Variants in ANGPT2 observed in about 807,000 individuals in gnomAD.
ANGPT2 encodes the protein angiopoietin-2.
Under a neutral mutation model 62.9 loss-of-function variants are expected in ANGPT2, and 28 were observed. The ratio of observed to expected loss-of-function variants is 0.44; its 90% CI spans 0.33 to 0.61. The LOEUF (loss-of-function observed/expected upper bound fraction) is 0.61. ANGPT2 is among the 20% of genes least tolerant of loss of function. ANGPT2 has a pLI of 0.03. For synonymous variants in ANGPT2, 284 were observed against 207.8 expected, an observed-to-expected ratio of 1.37 and a Z score of -3.15; for missense variants, 727 against 594.9, an observed-to-expected ratio of 1.22 and a Z score of -2.31.
rs1360655073 is a variant in ANGPT2, at chr8:6,527,804, C to A, written c.445-128G>T. The A allele has an allele frequency of 8.0e-6, 7 of 876,358 alleles. No individual in the cohort carries two copies. In the East Asian group the frequency reaches 1.5e-4, roughly 18 times the overall value. The allele number at this position is 876,358 out of a possible 1,614,324, so 54.3% of individuals were successfully genotyped here. On this transcript the variant is annotated intron_variant, in intron 2 of 8. Transcript: ENST00000629816. Reference sequence around the variant, plus strand: ...AAACATTATTTATTAACCCAAGTATCTTATTTTGGCATATTTTTCATTTTC... The same window carrying A: ...AAACATTATTTATTAACCCAAGTATATTATTTTGGCATATTTTTCATTTTC...
chr8:6,522,523 C>G (rs1176670782), intron 3 of ANGPT2, among the ~76,000 whole-genome samples: 1 of 152,270 alleles, frequency 6.6e-6, no homozygotes, highest in East Asian at 1.9e-4. Flanking sequence ...CCTATAATCC[C>G]AGCACTTTGG....
chr8:6,508,739 C>T (rs1374235012), intron 8 of ANGPT2, 193 bp downstream of exon 8: 1 of 756,994 alleles, frequency 1.3e-6, no homozygotes, highest in African/African-American at 1.8e-5. Flanking sequence ...AAGTCTAGCT[C>T]CATATCATAT....
intron 8 of ANGPT2, among the ~76,000 whole-genome samples, chr8:6,505,661 T>C (rs1234934007): frequency 7.6e-6 from 1 of 130,794 alleles, no homozygotes; most frequent in Non-Finnish European, 1.6e-5. Context: ...TATTTATATA[T>C]AGAATATATA....
rs1438915668 is a variant in ANGPT2, at chr8:6,509,465, G to A, written c.1197-403C>T. On this transcript the variant is annotated intron_variant, in intron 7 of 8. Transcript: ENST00000629816. The stretch of plus-strand genomic sequence containing the variant: ...ACAACCTCAAACATTATTTTCCGCA[G>A]GGGGCCCCGGGGGGGATGGAGAATG... Among the ~76,000 whole-genome samples, 5 of 152,162 alleles carry A rather than the reference G, an allele frequency of 3.3e-5. 1 individual carries two copies. The highest frequency in any genetic ancestry group is 3.3e-4 in the Admixed American group (5 of 15,276).
At chr8:6,523,681 C>G (rs963981702) in intron 3 of ANGPT2, among the ~76,000 whole-genome samples, 5 of 152,118 alleles carry the variant, frequency 3.3e-5, no homozygotes, top group Non-Finnish European at 4.4e-5. Context: ...CCTCCGCCTC[C>G]CGGATTCAAG....
In ANGPT2 at chr8:6,505,419, A is replaced by G. The variant is rs1347033587; in HGVS notation, c.1328-2158T>C. ...TATAGAATATATATATTCTTTATAT[A>G]CATAAAGAATATATATATTCTTTAT... On this transcript the variant is annotated intron_variant, in intron 8 of 8. Transcript: ENST00000629816. 5.2e-4 allele frequency among the ~76,000 whole-genome samples: 36 copies of G among 69,716 alleles called. 11 individuals are homozygous for G. Among genetic ancestry groups the G allele is most frequent in the African/African-American group, 1.6e-3 (33 of 20,326 alleles). The allele number at this position is 69,716 out of a possible 152,430, so 45.7% of individuals were successfully genotyped here.
chr8:6,533,980 A>G (rs1414000799), intron 1 of ANGPT2, among the ~76,000 whole-genome samples: 3 of 152,102 alleles, frequency 2.0e-5, no homozygotes, highest in Non-Finnish European at 2.9e-5. Context: ...GGCTGGAACT[A>G]TAAGTTTCCT....
intron 1 of ANGPT2, among the ~76,000 whole-genome samples, chr8:6,541,916 G>T (rs922299528): frequency 6.6e-6 from 1 of 151,752 alleles, no homozygotes; most frequent in Non-Finnish European, 1.5e-5. Flanking sequence ...GCTAAGGTGG[G>T]AGGATTGCTT....
In ANGPT2 at chr8:6,500,159, G is replaced by C. The variant is rs971663327; in HGVS notation, c.*2942C>G. ...GAGGAATGCAGTCCAAAGAAAATTTGACGATTAACATCCTCAGAACTGAGA... is the reference window on the plus strand; with the variant it reads ...GAGGAATGCAGTCCAAAGAAAATTTCACGATTAACATCCTCAGAACTGAGA... On this transcript the variant is annotated 3_prime_UTR_variant, in exon 9 of 9. Transcript: ENST00000629816. 5.6e-6 allele frequency: 3 copies of C among 531,350 alleles called. No individual in the cohort carries two copies. Among genetic ancestry groups the C allele is most frequent in the Non-Finnish European group, 1.0e-5 (3 of 294,836 alleles). 32.9% of individuals were successfully genotyped at this position (531,350 alleles called of 1,614,324 possible).
At chr8:6,519,079 T>C (rs1372593544) in intron 5 of ANGPT2, among the ~76,000 whole-genome samples, 1 of 152,190 alleles carries the variant, frequency 6.6e-6, no homozygotes, top group Admixed American at 6.5e-5. Flanking sequence ...ATTGGACATA[T>C]GCCTTGAAGT....
chr8:6,532,567 C>A, intron 1 of ANGPT2, 80 bp from the exon 2 acceptor site: 1 of 871,140 alleles, frequency 1.1e-6, no homozygotes, highest in Non-Finnish European at 1.6e-6. Context: ...CGTCTCCTCC[C>A]TATCTTTAAA....
chr8:6,537,840 T>C (rs17077452), intron 1 of ANGPT2, among the ~76,000 whole-genome samples: 23,738 of 152,126 alleles, frequency 0.16, 1,958 homozygotes, highest in Admixed American at 0.2. Context: ...TTGGAGATTC[T>C]GATGTTGATT....
intron 1 of ANGPT2, among the ~76,000 whole-genome samples, chr8:6,540,158 G>A (rs1290291583): frequency 6.6e-6 from 1 of 152,160 alleles, no homozygotes; most frequent in Non-Finnish European, 1.5e-5. Context: ...TTCTTTGAGT[G>A]CAGCTGCATA....
intron 4 of ANGPT2, among the ~76,000 whole-genome samples, chr8:6,520,802 A>G (rs1817180318): frequency 6.6e-6 from 1 of 152,236 alleles, no homozygotes; most frequent in South Asian, 2.1e-4. Flanking sequence ...CTTAAGTGCC[A>G]TTGTATTATC....
rs563290286 is a variant in ANGPT2 at position 6,562,643 on chromosome 8, C to G, written c.288+4G>C. The G allele has an allele frequency of 2.2e-6, 3 of 1,372,606 alleles. No homozygotes were observed. Among genetic ancestry groups the G allele is most frequent in the East Asian group, 3.2e-5 (1 of 31,144 alleles). The allele number at this position is 1,372,606 out of a possible 1,614,324, so 85.0% of individuals were successfully genotyped here. On this transcript the variant is annotated splice_donor_region_variant and intron_variant, in intron 1 of 8. Coordinates refer to ENST00000629816, the MANE Select transcript of ANGPT2 (RefSeq NM_001118887.2). Reference sequence around the variant, plus strand: ...TCACAAAGACAGATGGATTTTTTTCCTACCTTCATTAGCCACTGAGTGTTG... The same window carrying G: ...TCACAAAGACAGATGGATTTTTTTCGTACCTTCATTAGCCACTGAGTGTTG...
rs781095475 is a variant in ANGPT2, at chr8:6,513,727, A to G, written c.1147T>C (p.Tyr383His). ...HLKDWEGNEA[Y>H]SLYEHFYLSS... ...AGATAGAAATGTTCATACAATGAGT[A>G]AGCCTCATTCCCTTCCCAGTCTTTA... The change falls in exon 7 of 9, where the codon TAC becomes CAC. Residue 383 changes from tyrosine to histidine, a missense_variant. By Grantham distance (83) the Tyr-to-His change is moderately conservative (BLOSUM62 2). Transcript: ENST00000629816. 5 of 1,613,834 alleles carry G rather than the reference A, an allele frequency of 3.1e-6. No homozygotes were observed. Among genetic ancestry groups the G allele is most frequent in the Admixed American group, 3.3e-5 (2 of 59,996 alleles).
In ANGPT2 at chr8:6,521,270, G is replaced by C. The variant is rs1319667380; in HGVS notation, c.707C>G (p.Thr236Ser). The C allele has an allele frequency of 6.2e-7, 1 of 1,613,782 alleles. No homozygotes were observed. Among genetic ancestry groups the C allele is most frequent in the Non-Finnish European group, 8.5e-7 (1 of 1,179,950 alleles). Residue 236 changes from threonine to serine, a missense_variant, in exon 4 of 9, where the codon ACT (threonine) becomes AGT (serine). Physicochemically the swap from Thr to Ser is moderately conservative, Grantham distance 58. Coordinates refer to ENST00000629816, the MANE Select transcript of ANGPT2 (RefSeq NM_001118887.2). Reference sequence around the variant, plus strand: ...AAGAACTGAATTATTCACCGTGGCAGTCACTATTTTTTTTTCTAGTTCTTC... The same window carrying C: ...AAGAACTGAATTATTCACCGTGGCACTCACTATTTTTTTTTCTAGTTCTTC... ...IIEELEKKIV[T>S]ATVNNSVLQK...
intron 5 of ANGPT2, among the ~76,000 whole-genome samples, chr8:6,516,327 T>A (rs773470058): frequency 1.3e-5 from 2 of 152,232 alleles, no homozygotes; most frequent in African/African-American, 4.8e-5. Context: ...TGCTGTAGTA[T>A]CATAATTCTG....
chr8:6,521,706 T>G (rs1817376030), intron 3 of ANGPT2, among the ~76,000 whole-genome samples: 1 of 152,200 alleles, frequency 6.6e-6, no homozygotes, highest in South Asian at 2.1e-4. Context: ...GTTTTTTGTA[T>G]TAGATGCTGC....
Sources: gnomAD v4.1 joint callset for allele counts (sites outside exome capture counted in the v4.1 genomes callset) on GRCh38, gnomAD v4.1.1 for gene constraint, MANE v1.5 for transcripts, NCBI Gene and HGNC (gene_info 2026-07-23, HGNC 2026-07-21) for gene names.